TUBGCP4: variants seen among roughly 807,000 people sequenced by gnomAD.
The protein encoded by TUBGCP4 is tubulin gamma complex component 4, also known as gamma-tubulin complex component 4.
TUBGCP4 carries 54 observed loss-of-function variants against 91.6 expected under a neutral mutation model. The ratio of observed to expected loss-of-function variants is 0.59; its 90% CI spans 0.47 to 0.74. TUBGCP4 has a LOEUF of 0.74. TUBGCP4 is among the 30% of genes least tolerant of loss of function. TUBGCP4 has a pLI of 0.00. For synonymous variants in TUBGCP4, 297 were observed against 302.8 expected, an observed-to-expected ratio of 0.98 and a Z score of 0.20; for missense variants, 593 against 800.9, an observed-to-expected ratio of 0.74 and a Z score of 3.13.
At chr15:43,400,268 TAGG>T in intron 14 of TUBGCP4, 47 bp downstream of exon 14, 1 of 1,563,402 alleles carries the variant, frequency 6.4e-7, no homozygotes, top group Non-Finnish European at 8.8e-7. Context: ...GAAAAACGTC[TAGG>T]AGGTTGGCAG....
chr15:43,404,957 A>C (rs2044816355), intron 17 of TUBGCP4: 1 of 541,576 alleles, frequency 1.8e-6, no homozygotes, highest in Non-Finnish European at 3.2e-6. Context: ...ACTGATACCG[A>C]GATTCAGTGG....
At chr15:43,400,893 G>C (rs1296885829) in intron 14 of TUBGCP4, among the ~76,000 whole-genome samples, 3 of 151,812 alleles carry the variant, frequency 2.0e-5, no homozygotes, top group Non-Finnish European at 4.4e-5. Flanking sequence ...ACTCCAGCCT[G>C]GGCAACAGAG....
Position 43,409,672 on chromosome 15 carries a change from A to G in TUBGCP4, c.*4458A>G. On this transcript the variant is annotated 3_prime_UTR_variant, in exon 18 of 18. Transcript: ENST00000564079. Reference sequence around the variant, plus strand: ...CTGGGCTTCATTGAAATCTTCAAGGATATAGCCAGCTCCTGCTCGAAGCTG... The same window carrying G: ...CTGGGCTTCATTGAAATCTTCAAGGGTATAGCCAGCTCCTGCTCGAAGCTG... 1 of 1,571,888 alleles carries G rather than the reference A, an allele frequency of 6.4e-7. No homozygotes were observed. The highest frequency in any genetic ancestry group is 8.6e-7 in the Non-Finnish European group (1 of 1,161,326).
chr15:43,408,904 G>C lies in TUBGCP4; in HGVS notation c.*3690G>C. The C allele has an allele frequency of 1.2e-6, 2 of 1,614,108 alleles. No individual in the cohort carries two copies. The highest frequency in any genetic ancestry group is 1.7e-6 in the Non-Finnish European group (2 of 1,180,012). ...TGGGCTTCAAATACTTACCAGTCCAGAATTCTTTGCTCCTCAAGGCTGTAC... is the reference window on the plus strand; with the variant it reads ...TGGGCTTCAAATACTTACCAGTCCACAATTCTTTGCTCCTCAAGGCTGTAC... On this transcript the variant is annotated 3_prime_UTR_variant, in exon 18 of 18. Transcript: ENST00000564079.
Position 43,371,160 on chromosome 15 carries a change from G to A in TUBGCP4, c.-195G>A. The A allele has an allele frequency of 1.6e-6, 1 of 623,492 alleles. No individual in the cohort carries two copies. The highest frequency in any genetic ancestry group is 2.7e-5 in the Admixed American group (1 of 36,578). The allele number at this position is 623,492 out of a possible 1,614,324, so 38.6% of individuals were successfully genotyped here. On this transcript the variant is annotated 5_prime_UTR_variant, in exon 1 of 18. Coordinates refer to ENST00000564079, the MANE Select transcript of TUBGCP4 (RefSeq NM_014444.5). ...GACCCCGTTGAGCTGCCGAACTTCCGGGACTCCCCCGCGACCCCTTCCCAG... is the reference window on the plus strand; with the variant it reads ...GACCCCGTTGAGCTGCCGAACTTCCAGGACTCCCCCGCGACCCCTTCCCAG...
chr15:43,383,376 C>A lies in TUBGCP4; in HGVS notation c.595C>A (p.Gln199Lys), dbSNP rs2044312352. 2.5e-6 allele frequency: 4 copies of A among 1,613,988 alleles called. No individual in the cohort carries two copies. The highest frequency in any genetic ancestry group is 3.4e-6 in the Non-Finnish European group (4 of 1,180,012). ...GATGCTCCATGGACTCCTCTTGGAC[C>A]AGCATGAAGAATTCTTTATCAAACA... The part of the protein sequence containing the change: ...AWMLHGLLLD[Q>K]HEEFFIKQGP... The change falls in exon 7 of 18, where the codon CAG (glutamine) becomes AAG (lysine). Residue 199 changes from glutamine to lysine, a missense_variant. By Grantham distance (53) the Gln-to-Lys change is moderately conservative. Coordinates refer to ENST00000564079, the MANE Select transcript of TUBGCP4 (RefSeq NM_014444.5).
chr15:43,384,262 G>A lies in TUBGCP4; in HGVS notation c.723+758G>A, dbSNP rs373916350. Among the ~76,000 whole-genome samples, 65 of 152,298 alleles carry A rather than the reference G, an allele frequency of 4.3e-4. No homozygotes were observed. The South Asian group carries it at 0.013, about 30-fold the overall frequency. On this transcript the variant is annotated intron_variant, in intron 7 of 17. Transcript: ENST00000564079. ...TTGTTCTAGGTGCTACAAATAAAAAGTAGTAGTGTCTGTCCCTAAGGAGCT... is the reference window on the plus strand; with the variant it reads ...TTGTTCTAGGTGCTACAAATAAAAAATAGTAGTGTCTGTCCCTAAGGAGCT...
At chr15:43,377,748 T>C (rs1017906398) in intron 4 of TUBGCP4, 99 bp from the exon 5 acceptor site, 31 of 996,318 alleles carry the variant, frequency 3.1e-5, no homozygotes, top group Non-Finnish European at 3.8e-5. Context: ...TGCCATTTTA[T>C]CTTAAGTTGA....
intron 7 of TUBGCP4, among the ~76,000 whole-genome samples, chr15:43,384,287 T>C (rs2044325023): frequency 6.6e-6 from 1 of 152,188 alleles, no homozygotes; most frequent in South Asian, 2.1e-4. Context: ...CCTAAGGAGC[T>C]CATAGTTTAG....
In TUBGCP4 at chr15:43,407,036, ACC is replaced by A. The variant is rs1273816020; in HGVS notation, c.*1824_*1825del. 4.1e-6 allele frequency: 1 copy of A among 245,670 alleles called. No homozygotes were observed. The highest frequency in any genetic ancestry group is 2.3e-5 in the African/African-American group (1 of 44,282). The allele number at this position is 245,670 out of a possible 1,614,324, so 15.2% of individuals were successfully genotyped here. Reference sequence around the variant, plus strand: ...TTTCTGCAAGCATAGCATTTTAGACACCCTGGAATAACCTTTTGGGAATGATG... The same window carrying A: ...TTTCTGCAAGCATAGCATTTTAGACACTGGAATAACCTTTTGGGAATGATG... On this transcript the variant is annotated 3_prime_UTR_variant, in exon 18 of 18. Coordinates refer to ENST00000564079, the MANE Select transcript of TUBGCP4 (RefSeq NM_014444.5).
chr15:43,400,106 G>C lies in TUBGCP4; in HGVS notation c.1481G>C (p.Cys494Ser). Reference protein sequence around the residue: ...VRRVQAELQHCWALQMQRKHL... With the variant: ...VRRVQAELQHSWALQMQRKHL... ...CGGGTGCAAGCTGAGCTGCAGCACT[G>C]CTGGGCCCTACAAATGCAGCGCAAG... is the stretch of plus-strand genomic sequence containing the variant. The change falls in exon 14 of 18, where the codon TGC becomes TCC. Residue 494 changes from cysteine to serine, a missense_variant. Physicochemically the swap from Cys to Ser is moderately radical, Grantham distance 112. Coordinates refer to ENST00000564079, the MANE Select transcript of TUBGCP4 (RefSeq NM_014444.5). The C allele has an allele frequency of 6.2e-7, 1 of 1,614,182 alleles. No homozygotes were observed. Among genetic ancestry groups the C allele is most frequent in the Non-Finnish European group, 8.5e-7 (1 of 1,180,026 alleles).
intron 9 of TUBGCP4, chr15:43,394,785 C>T: frequency 2.8e-6 from 1 of 363,460 alleles, no homozygotes; most frequent in Non-Finnish European, 5.2e-6. Flanking sequence ...CTATTCCTGC[C>T]ATGTGAGACG....
In TUBGCP4 at chr15:43,401,726, T is replaced by TG. The variant is rs2142883686; in HGVS notation, c.1609dup (p.Glu537GlyfsTer18). On this transcript the variant is annotated frameshift_variant, in exon 15 of 18. Transcript: ENST00000564079. LOFTEE classifies it high-confidence loss of function. ...TGTAATGTCTATCAGGTAGATGTGT[T>TG]GGAGTCTCAGTTCTCCCAGCTGCTT... is the stretch of plus-strand genomic sequence containing the variant. 6.2e-7 allele frequency: 1 copy of TG among 1,614,172 alleles called. No individual in the cohort carries two copies. Among genetic ancestry groups the TG allele is most frequent in the Non-Finnish European group, 8.5e-7 (1 of 1,180,006 alleles).
At chr15:43,380,004 T>A in intron 5 of TUBGCP4, 80 bp from the exon 6 acceptor site, 1 of 1,375,992 alleles carries the variant, frequency 7.3e-7, no homozygotes, top group African/African-American at 1.4e-5. Context: ...TGTGCCCTCT[T>A]GGTTGAATAT....
rs778514860 is a variant in TUBGCP4 at position 43,376,113 on chromosome 15, C to T, written c.94C>T (p.Pro32Ser). ...CTTCCTGCAGGTATCGCAGGACTTCCCTTTCCTCCACCCCAGTGAGACCAG... is the reference window on the plus strand; with the variant it reads ...CTTCCTGCAGGTATCGCAGGACTTCTCTTTCCTCCACCCCAGTGAGACCAG... ...RSGLQVSQDF[P>S]FLHPSETSVL... The change falls in exon 2 of 18, where the codon CCT (proline) becomes TCT (serine). Residue 32 changes from proline (P) to serine (S), a missense_variant. By Grantham distance (74) the Pro-to-Ser change is moderately conservative. Transcript: ENST00000564079. The T allele has an allele frequency of 3.7e-6, 6 of 1,614,102 alleles. No individual in the cohort carries two copies. The highest frequency in any genetic ancestry group is 4.2e-6 in the Non-Finnish European group (5 of 1,179,976).
chr15:43,390,826 A>G (rs760775714), intron 9 of TUBGCP4, among the ~76,000 whole-genome samples: 15 of 151,914 alleles, frequency 9.9e-5, no homozygotes, highest in Non-Finnish European at 1.8e-4. Flanking sequence ...TAATTTAAAA[A>G]AAATTTGTAG....
rs756755374 is a variant in TUBGCP4, at chr15:43,397,294, A to G, written c.1252A>G (p.Ile418Val). The G allele has an allele frequency of 3.1e-6, 5 of 1,614,124 alleles. No individual in the cohort carries two copies. In the South Asian group the frequency reaches 5.5e-5, roughly 18 times the overall value. Residue 418 changes from isoleucine (I) to valine (V), a missense_variant, in exon 12 of 18, where the codon ATC becomes GTC. Ile to Val is a conservative substitution (Grantham distance 29). Transcript: ENST00000564079. ...CCTTCTCCCTCTGTTGCACTTGACA[A>G]TCGAGTATCACGGAAAGGAGCACAA... ...DNLLPLLHLT[I>V]EYHGKEHKDA... is the part of the protein sequence containing the mutation.
rs766024573 is a variant in TUBGCP4 at position 43,383,363 on chromosome 15, A to C, written c.582A>C (p.Gly194=). The change falls in exon 7 of 18, where the codon GGA becomes GGC. Residue 194 remains glycine (G), a synonymous_variant. Coordinates refer to ENST00000564079, the MANE Select transcript of TUBGCP4 (RefSeq NM_014444.5). ...AGCTCTCAGCCTGGATGCTCCATGG[A>C]CTCCTCTTGGACCAGCATGAAGAAT... ...YKQLSAWMLH[G]LLLDQHEEFF... 8.1e-6 allele frequency: 13 copies of C among 1,613,868 alleles called. No individual in the cohort carries two copies. The highest frequency in any genetic ancestry group is 1.1e-5 in the Non-Finnish European group (13 of 1,180,008).
At position 43,371,172 on chromosome 15, in the gene TUBGCP4, C is replaced by G; in HGVS notation, c.-183C>G. 1 of 642,262 alleles carries G rather than the reference C, an allele frequency of 1.6e-6. No homozygotes were observed. Among genetic ancestry groups the G allele is most frequent in the South Asian group, 1.7e-5 (1 of 57,146 alleles). The allele number at this position is 642,262 out of a possible 1,614,324, so 39.8% of individuals were successfully genotyped here. On this transcript the variant is annotated 5_prime_UTR_variant, in exon 1 of 18. Transcript: ENST00000564079. ...CTGCCGAACTTCCGGGACTCCCCCGCGACCCCTTCCCAGCTTCCCGTCCGC... is the reference window on the plus strand; with the variant it reads ...CTGCCGAACTTCCGGGACTCCCCCGGGACCCCTTCCCAGCTTCCCGTCCGC...
Sources: allele counts gnomAD v4.1 joint callset (sites outside exome capture counted in the v4.1 genomes callset), GRCh38; gene constraint gnomAD v4.1.1; transcripts MANE v1.5; gene names NCBI Gene and HGNC (gene_info 2026-07-23, HGNC 2026-07-21).